NTRK2: variants seen among roughly 807,000 people sequenced by gnomAD.
NTRK2 encodes the protein BDNF/NT-3 growth factors receptor.
NTRK2 carries 13 observed loss-of-function variants against 94.5 expected under a neutral mutation model. The ratio of observed to expected loss-of-function variants is 0.14; its 90% CI spans 0.09 to 0.22. The LOEUF is 0.22. Ranked by LOEUF, NTRK2 falls within the 10% of genes least tolerant of loss-of-function variation. The pLI, the probability that NTRK2 is intolerant of heterozygous loss-of-function variation, is 1.00. For synonymous variants in NTRK2, 372 were observed against 407.4 expected (o/e 0.91, Z 1.05); for missense variants, 639 against 1,071.2 (o/e 0.60, Z 5.63).
At position 84,891,978 on chromosome 9, in the gene NTRK2, G is replaced by A. The variant is rs533581526; in HGVS notation, c.1633+24547G>A. Among the ~76,000 whole-genome samples the A allele has an allele frequency of 8.5e-5, 13 of 152,154 alleles. No homozygotes were observed. In the South Asian group the frequency reaches 2.7e-3, roughly 32 times the overall value. ...CGGTATGATATCAAGATGGATATAG[G>A]CTAGGAGAGCTGCAGAGTATGGTTT... On this transcript the variant is annotated intron_variant, in intron 14 of 18. Coordinates refer to ENST00000277120, the MANE Select transcript of NTRK2 (RefSeq NM_006180.6).
intron 17 of NTRK2, among the ~76,000 whole-genome samples, chr9:84,958,200 C>CA (rs111847110): frequency 0.013 from 1,843 of 137,908 alleles, 28 homozygotes; most frequent in African/African-American, 0.044. Context: ...TAATCATATA[C>CA]AAAAAAAAAA....
chr9:84,842,850 G>A (rs537040576), intron 12 of NTRK2, among the ~76,000 whole-genome samples: 1 of 152,338 alleles, frequency 6.6e-6, no homozygotes, highest in Admixed American at 6.5e-5. Context: ...ACCTTAGACT[G>A]GGGGAACCCA....
intron 14 of NTRK2, among the ~76,000 whole-genome samples, chr9:84,922,636 G>T (rs1339818731): frequency 6.6e-6 from 1 of 152,106 alleles, no homozygotes; most frequent in East Asian, 1.9e-4. Flanking sequence ...CCCAAAATGG[G>T]GACAGTGATG....
At chr9:84,882,195 AAC>A (rs143087277) in intron 14 of NTRK2, among the ~76,000 whole-genome samples, 26,584 of 150,218 alleles carry the variant, frequency 0.18, 3,636 homozygotes, top group African/African-American at 0.36. Flanking sequence ...TGCTCCCACC[AAC>A]ACACACACAC....
At chr9:84,734,234 T>C (rs748375045) in intron 9 of NTRK2, among the ~76,000 whole-genome samples, 4 of 152,220 alleles carry the variant, frequency 2.6e-5, no homozygotes, top group Non-Finnish European at 4.4e-5. Context: ...GAAGTGCCGA[T>C]GCAGTGCCTG....
At chr9:84,993,338 C>T (rs1829329644) in intron 17 of NTRK2, among the ~76,000 whole-genome samples, 1 of 152,226 alleles carries the variant, frequency 6.6e-6, no homozygotes, top group Admixed American at 6.5e-5. Flanking sequence ...TTTATCTCAA[C>T]ACAGGCAGCT....
At chr9:84,888,070 A>G (rs2076472529) in intron 14 of NTRK2, among the ~76,000 whole-genome samples, 2 of 152,002 alleles carry the variant, frequency 1.3e-5, no homozygotes. Context: ...CCAGCCTCGT[A>G]TTTTTTTTCC....
At chr9:84,706,521 GTTTTTGTTTTTTTT>G (rs1265182722) in intron 4 of NTRK2, among the ~76,000 whole-genome samples, 3 of 95,336 alleles carry the variant, frequency 3.1e-5, no homozygotes. Flanking sequence ...GTTATTTTTT[GTTTTTGTTTTTTTT>G]TTTTTTTTTT....
chr9:84,934,327 G>A (rs746918234), intron 15 of NTRK2, 35 bp downstream of exon 15: 4 of 1,612,100 alleles, frequency 2.5e-6, no homozygotes, highest in Non-Finnish European at 3.4e-6. Flanking sequence ...CATTAACCAT[G>A]ATCACACTTA....
chr9:84,825,625 T>C (rs1233762804), intron 12 of NTRK2, among the ~76,000 whole-genome samples: 1 of 152,232 alleles, frequency 6.6e-6, no homozygotes, highest in Non-Finnish European at 1.5e-5. Flanking sequence ...CAGCATGGCA[T>C]GCAGTAACAG....
intron 15 of NTRK2, among the ~76,000 whole-genome samples, chr9:84,939,527 T>G (rs1159559100): frequency 6.6e-6 from 1 of 152,174 alleles, no homozygotes; most frequent in Admixed American, 6.5e-5. Context: ...AGTTATGTCG[T>G]TTATATGGAA....
intron 15 of NTRK2, among the ~76,000 whole-genome samples, chr9:84,946,171 G>A (rs1416009711): frequency 6.6e-6 from 1 of 152,152 alleles, no homozygotes; most frequent in African/African-American, 2.4e-5. Flanking sequence ...AAATTTAAGT[G>A]AACACAGATG....
rs2118039620 is a variant in NTRK2 at position 85,021,969 on chromosome 9, T to C, written c.*532T>C. On this transcript the variant is annotated 3_prime_UTR_variant, in exon 19 of 19. Coordinates refer to ENST00000277120, the MANE Select transcript of NTRK2 (RefSeq NM_006180.6). ...TATCGAGAGTTTCTATGGATTCACT[T>C]CTATTTATTTATTATTATTACTGTT... is the stretch of plus-strand genomic sequence containing the variant. 1 of 241,974 alleles carries C rather than the reference T, an allele frequency of 4.1e-6. No homozygotes were observed. Among genetic ancestry groups the C allele is most frequent in the East Asian group, 5.9e-5 (1 of 16,874 alleles). The allele number at this position is 241,974 out of a possible 1,614,324, so 15.0% of individuals were successfully genotyped here.
chr9:84,922,769 T>C (rs1463097236), intron 14 of NTRK2, among the ~76,000 whole-genome samples: 1 of 152,230 alleles, frequency 6.6e-6, no homozygotes. Context: ...TTACTCATCC[T>C]TGAGTCTTCC....
intron 12 of NTRK2, chr9:84,815,251 C>A (rs1238636116): frequency 9.5e-7 from 1 of 1,055,018 alleles, no homozygotes; most frequent in African/African-American, 1.7e-5. Flanking sequence ...GAGTGAGCAC[C>A]CAGAATGTGT....
In NTRK2 at chr9:84,750,490, T is replaced by C. The variant is rs1035552771; in HGVS notation, c.1297-1496T>C. ...ATAATAATATCCATCTTAAAAATTG[T>C]TGTGCAGATTCTTAAGCCAGAATGG... On this transcript the variant is annotated intron_variant, in intron 11 of 18. Coordinates refer to ENST00000277120, the MANE Select transcript of NTRK2 (RefSeq NM_006180.6). Among the ~76,000 whole-genome samples, 4 of 152,356 alleles carry C rather than the reference T, an allele frequency of 2.6e-5. No individual in the cohort carries two copies. In the South Asian group the frequency reaches 6.2e-4, roughly 24 times the overall value.
intron 12 of NTRK2, among the ~76,000 whole-genome samples, chr9:84,820,271 G>A (rs533931046): frequency 2.0e-5 from 3 of 150,810 alleles, no homozygotes; most frequent in South Asian, 4.2e-4. Flanking sequence ...CCAGGTTCAA[G>A]TGATTCTCCT....
intron 14 of NTRK2, among the ~76,000 whole-genome samples, chr9:84,929,011 T>C (rs1313384587): frequency 6.6e-6 from 1 of 152,208 alleles, no homozygotes; most frequent in Non-Finnish European, 1.5e-5. Flanking sequence ...AACCCCATTA[T>C]TGAGGAAATG....
At chr9:84,877,496 A>G in intron 14 of NTRK2, 1 of 1,066,224 alleles carries the variant, frequency 9.4e-7, no homozygotes, top group Non-Finnish European at 1.1e-6. Flanking sequence ...TATTACTGTG[A>G]TTCTCTCTGT....
Sources: allele counts gnomAD v4.1 joint callset (sites outside exome capture counted in the v4.1 genomes callset), GRCh38; gene constraint gnomAD v4.1.1; transcripts MANE v1.5; gene names NCBI Gene and HGNC (gene_info 2026-07-23, HGNC 2026-07-21).